The following ADCY2 variants were observed in gnomAD, a reference collection of about 807,000 sequenced individuals.
The protein encoded by ADCY2 is adenylate cyclase 2.
Under a neutral mutation model 125.2 loss-of-function variants are expected in ADCY2, and 31 were observed. The ratio of observed to expected loss-of-function variants is 0.25; its 90% CI spans 0.19 to 0.33. ADCY2 has a LOEUF of 0.33. Among genes scored for constraint, ADCY2 ranks in the 10% least tolerant of loss-of-function variants. The pLI is 1.00. For missense variants in ADCY2, 904 were observed against 1,418.2 expected (o/e 0.64, Z 5.82); for synonymous variants, 512 against 548.4 (o/e 0.93, Z 0.93).
chr5:7,573,875 G>A (rs866657912), intron 3 of ADCY2, among the ~76,000 whole-genome samples: 37 of 135,832 alleles, frequency 2.7e-4, no homozygotes, highest in African/African-American at 9.7e-4. Flanking sequence ...TCGTCATCTA[G>A]CATTAGGTAT....
chr5:7,700,065 C>T (rs1216483195), intron 7 of ADCY2, among the ~76,000 whole-genome samples: 1 of 152,174 alleles, frequency 6.6e-6, no homozygotes, highest in Non-Finnish European at 1.5e-5. Flanking sequence ...TCTGTGGCTT[C>T]ACACACATTG....
Position 7,783,256 on chromosome 5 carries a change from A to C in ADCY2, c.2385-1109A>C, listed in dbSNP as rs115331147. ...CCTTATCATTCTGTAATTAATGTTA[A>C]AAATCACAAGTATCATTTGGAAAGA... On this transcript the variant is annotated intron_variant, in intron 18 of 24. Transcript: ENST00000338316. Among the ~76,000 whole-genome samples, 616 of 152,306 alleles carry C rather than the reference A, an allele frequency of 4.0e-3. 4 individuals are homozygous for C. Among genetic ancestry groups the C allele is most frequent in the African/African-American group, 0.014 (596 of 41,562 alleles).
At chr5:7,582,181 TATC>T (rs1310476281) in intron 3 of ADCY2, among the ~76,000 whole-genome samples, 3 of 152,178 alleles carry the variant, frequency 2.0e-5, no homozygotes, top group African/African-American at 4.8e-5. Context: ...TTTACAATAA[TATC>T]ATTCTGCATT....
chr5:7,656,664 A>G (rs1739342616), intron 4 of ADCY2, among the ~76,000 whole-genome samples: 2 of 152,222 alleles, frequency 1.3e-5, no homozygotes, highest in Admixed American at 6.5e-5. Flanking sequence ...AGAATTCTAT[A>G]TGGCAGCATT....
chr5:7,504,600 CTCTTTCTTTTT>C (rs1225376969), intron 2 of ADCY2, among the ~76,000 whole-genome samples: 8 of 151,242 alleles, frequency 5.3e-5, no homozygotes, highest in South Asian at 2.1e-4. Context: ...CTTTCTCTCT[CTCTTTCTTTTT>C]TCTTTCTTTT....
intron 2 of ADCY2, among the ~76,000 whole-genome samples, chr5:7,480,217 G>T (rs1742678061): frequency 6.6e-6 from 1 of 152,112 alleles, no homozygotes; most frequent in African/African-American, 2.4e-5. Context: ...ATTCCTCAGA[G>T]ACCTAAAGAC....
chr5:7,564,553 C>T (rs901060384), intron 3 of ADCY2, among the ~76,000 whole-genome samples: 21 of 152,120 alleles, frequency 1.4e-4, no homozygotes, highest in African/African-American at 4.8e-4. Flanking sequence ...AAACTGGAAG[C>T]CCATCCTGTG....
intron 3 of ADCY2, among the ~76,000 whole-genome samples, chr5:7,598,413 G>T (rs1298630522): frequency 2.6e-5 from 4 of 152,202 alleles, no homozygotes; most frequent in African/African-American, 9.7e-5. Context: ...ACTTGACCTT[G>T]TAGTTCTTAA....
chr5:7,449,782 GGT>G (rs1741405667), intron 2 of ADCY2, among the ~76,000 whole-genome samples: 1 of 152,222 alleles, frequency 6.6e-6, no homozygotes, highest in African/African-American at 2.4e-5. Context: ...AAAGTCTGTT[GGT>G]GCCATTTTTC....
chr5:7,679,658 A>T (rs1242206223), intron 4 of ADCY2, among the ~76,000 whole-genome samples: 1 of 152,224 alleles, frequency 6.6e-6, no homozygotes, highest in Admixed American at 6.5e-5. Context: ...ACAGTCAGGT[A>T]TGAAAGCAGG....
intron 2 of ADCY2, among the ~76,000 whole-genome samples, chr5:7,496,952 C>A (rs1028640268): frequency 6.6e-6 from 1 of 152,064 alleles, no homozygotes; most frequent in Non-Finnish European, 1.5e-5. Flanking sequence ...TTCTCAGGTA[C>A]TTAATTGACC....
intron 23 of ADCY2, among the ~76,000 whole-genome samples, chr5:7,817,929 G>T (rs539492887): frequency 1.3e-5 from 2 of 148,908 alleles, no homozygotes; most frequent in South Asian, 4.3e-4. Context: ...ATTTTTTTTA[G>T]CATGTTTCAT....
At position 7,566,549 on chromosome 5, in the gene ADCY2, G is replaced by A. The variant is rs568843364; in HGVS notation, c.570+45650G>A. 6.6e-5 allele frequency among the ~76,000 whole-genome samples: 10 copies of A among 152,182 alleles called. No homozygotes were observed. The South Asian group carries it at 2.1e-3, about 32-fold the overall frequency. ...AGGGACGCTATTCTTATGAGTAACAGACTCATAGGACACTCCCAAACTCTG... is the reference window on the plus strand; with the variant it reads ...AGGGACGCTATTCTTATGAGTAACAAACTCATAGGACACTCCCAAACTCTG... On this transcript the variant is annotated intron_variant, in intron 3 of 24. Coordinates refer to ENST00000338316, the MANE Select transcript of ADCY2 (RefSeq NM_020546.3).
intron 2 of ADCY2, among the ~76,000 whole-genome samples, chr5:7,440,116 A>G (rs916829174): frequency 6.6e-6 from 1 of 152,148 alleles, no homozygotes; most frequent in African/African-American, 2.4e-5. Flanking sequence ...AAGAATAATG[A>G]AAGATGTCAA....
chr5:7,404,841 G>A (rs1382747200), intron 1 of ADCY2, among the ~76,000 whole-genome samples: 1 of 152,142 alleles, frequency 6.6e-6, no homozygotes, highest in African/African-American at 2.4e-5. Context: ...CTCCGTTGAA[G>A]GTTTGCTCAC....
intron 2 of ADCY2, among the ~76,000 whole-genome samples, chr5:7,498,334 C>G (rs1353167065): frequency 1.3e-5 from 2 of 148,824 alleles, no homozygotes; most frequent in African/African-American, 2.5e-5. Context: ...CTGCAAACTC[C>G]ACCTCCCAGG....
intron 21 of ADCY2, 85 bp from the exon 22 acceptor site, chr5:7,804,500 C>A: frequency 9.6e-7 from 1 of 1,044,232 alleles, no homozygotes; most frequent in East Asian, 2.4e-5. Context: ...TTACTGTGAA[C>A]CAGCATTTGA....
intron 13 of ADCY2, among the ~76,000 whole-genome samples, chr5:7,725,687 G>T (rs1741909029): frequency 6.6e-6 from 1 of 152,102 alleles, no homozygotes; most frequent in Non-Finnish European, 1.5e-5. Context: ...ATACCACAAA[G>T]AAATTCCTAC....
intron 18 of ADCY2, among the ~76,000 whole-genome samples, chr5:7,777,731 G>A (rs2126488970): frequency 6.6e-6 from 1 of 152,342 alleles, no homozygotes; most frequent in East Asian, 1.9e-4. Flanking sequence ...ACAAACCAAT[G>A]GAGTTGGCAG....
Sources: gnomAD v4.1 joint callset for allele counts (sites outside exome capture counted in the v4.1 genomes callset) on GRCh38, gnomAD v4.1.1 for gene constraint, MANE v1.5 for transcripts, NCBI Gene and HGNC (gene_info 2026-07-23, HGNC 2026-07-21) for gene names.